The following METTL15 variants were observed in gnomAD, a reference collection of about 807,000 sequenced individuals.
METTL15 encodes methyltransferase 15, mitochondrial 12S rRNA N4-cytidine.
Under a neutral mutation model 38.3 loss-of-function variants are expected in METTL15, and 34 were observed. The ratio of observed to expected loss-of-function variants is 0.89; its 90% CI spans 0.68 to 1.18. The LOEUF (loss-of-function observed/expected upper bound fraction) is 1.18. Among genes scored for constraint, METTL15 ranks in the 50% most tolerant of loss-of-function variants. The pLI is 0.00. For synonymous variants in METTL15, 162 were observed against 170.9 expected (o/e 0.95, Z 0.41); for missense variants, 438 against 498.4 (o/e 0.88, Z 1.15).
At chr11:28,324,120 T>G (rs900597836) in intron 6 of METTL15, among the ~76,000 whole-genome samples, 1 of 152,210 alleles carries the variant, frequency 6.6e-6, no homozygotes, top group African/African-American at 2.4e-5. Context: ...TACTAACAAA[T>G]TTTTCTATTT....
intron 6 of METTL15, among the ~76,000 whole-genome samples, chr11:28,473,069 T>G (rs1851315841): frequency 6.6e-6 from 1 of 152,110 alleles, no homozygotes; most frequent in African/African-American, 2.4e-5. Flanking sequence ...TGAGACTAAA[T>G]TAGGAAAGAG....
At chr11:28,241,788 G>A (rs1014155304) in intron 4 of METTL15, among the ~76,000 whole-genome samples, 1 of 152,160 alleles carries the variant, frequency 6.6e-6, no homozygotes, top group Non-Finnish European at 1.5e-5. Flanking sequence ...TCAAGGAAAA[G>A]CAAAGATGCC....
chr11:28,430,026 A>G (rs1488682012), intron 6 of METTL15, among the ~76,000 whole-genome samples: 1 of 135,758 alleles, frequency 7.4e-6, no homozygotes, highest in Non-Finnish European at 1.6e-5. Flanking sequence ...CTGGGATGTG[A>G]GGAGCGCCTC....
intron 3 of METTL15, among the ~76,000 whole-genome samples, chr11:28,194,194 TC>T: frequency 8.4e-6 from 1 of 118,654 alleles, no homozygotes; most frequent in African/African-American, 3.2e-5. Context: ...CTCTCTCTCC[TC>T]TCTCTCTCTC....
At chr11:28,298,876 T>A (rs931320825) in intron 6 of METTL15, among the ~76,000 whole-genome samples, 2 of 152,060 alleles carry the variant, frequency 1.3e-5, no homozygotes, top group Admixed American at 6.6e-5. Context: ...TGTGCTCATT[T>A]ATTCAAAAAA....
rs569419912 is a variant in METTL15 at position 28,151,465 on chromosome 11, C to A, written c.270+37861C>A. ...TATACAAAGTTCCTTTACCACCAGG[C>A]CCATTTTACCTCTTCAACCTCCCCT... On this transcript the variant is annotated intron_variant, in intron 3 of 6. Coordinates refer to ENST00000407364, the MANE Select transcript of METTL15 (RefSeq NM_001113528.2). Among the ~76,000 whole-genome samples, 3 of 152,044 alleles carry A rather than the reference C, an allele frequency of 2.0e-5. No homozygotes were observed. The East Asian group carries it at 5.8e-4, about 29-fold the overall frequency.
At chr11:28,133,546 A>T (rs1451158783) in intron 3 of METTL15, among the ~76,000 whole-genome samples, 1 of 152,202 alleles carries the variant, frequency 6.6e-6, no homozygotes, top group African/African-American at 2.4e-5. Flanking sequence ...AATCCATAAG[A>T]TACTGCAAAA....
At chr11:28,350,404 T>G (rs1850030728) in intron 3 of METTL15, among the ~76,000 whole-genome samples, 1 of 152,200 alleles carries the variant, frequency 6.6e-6, no homozygotes, top group Non-Finnish European at 1.5e-5. Flanking sequence ...ATTAGTTTTA[T>G]TACAAAATTA....
At chr11:28,146,765 T>A (rs1168224642) in intron 3 of METTL15, among the ~76,000 whole-genome samples, 1 of 151,936 alleles carries the variant, frequency 6.6e-6, no homozygotes, top group East Asian at 1.9e-4. Context: ...CACTATCCAA[T>A]TAGATGTTAC....
chr11:28,278,607 T>A (rs992419226), intron 4 of METTL15, among the ~76,000 whole-genome samples: 1 of 152,160 alleles, frequency 6.6e-6, no homozygotes, highest in Non-Finnish European at 1.5e-5. Context: ...TTATTAAACC[T>A]TTACTAAGTC....
intron 3 of METTL15, among the ~76,000 whole-genome samples, chr11:28,181,134 A>C (rs980223294): frequency 6.6e-6 from 1 of 151,736 alleles, no homozygotes; most frequent in Non-Finnish European, 1.5e-5. Context: ...AGGAATGAGT[A>C]GTCGATTATA....
At chr11:28,360,643 T>C (rs1238810995) in intron 4 of METTL15, among the ~76,000 whole-genome samples, 5 of 152,126 alleles carry the variant, frequency 3.3e-5, no homozygotes, top group African/African-American at 1.2e-4. Context: ...TTTCACGATG[T>C]GTAAAGTGTC....
chr11:28,117,809 T>A (rs930657801), intron 3 of METTL15, among the ~76,000 whole-genome samples: 2 of 152,184 alleles, frequency 1.3e-5, no homozygotes, highest in African/African-American at 2.4e-5. Flanking sequence ...CTGGTGACAG[T>A]CCTTGGACAG....
intron 3 of METTL15, among the ~76,000 whole-genome samples, chr11:28,176,690 G>A (rs1851088429): frequency 6.6e-6 from 1 of 152,038 alleles, no homozygotes; most frequent in South Asian, 2.1e-4. Flanking sequence ...GGTCTTTGTG[G>A]CCAAGTGGAC....
intron 6 of METTL15, among the ~76,000 whole-genome samples, chr11:28,300,727 A>G (rs1014480812): frequency 6.6e-6 from 1 of 152,210 alleles, no homozygotes; most frequent in African/African-American, 2.4e-5. Flanking sequence ...GAATCTTAAT[A>G]TAAATATTTA....
chr11:28,215,059 A>C (rs890734973), intron 4 of METTL15, among the ~76,000 whole-genome samples: 5 of 152,204 alleles, frequency 3.3e-5, no homozygotes, highest in Admixed American at 2.6e-4. Flanking sequence ...TCCATTTTTT[A>C]TGCTTAAATT....
rs535695126 is a variant in METTL15 at position 28,172,677 on chromosome 11, A to T, written c.271-38385A>T. Among the ~76,000 whole-genome samples, 4 of 152,316 alleles carry T rather than the reference A, an allele frequency of 2.6e-5. No homozygotes were observed. In the East Asian group the frequency reaches 7.7e-4, roughly 29 times the overall value. ...AAGAGACTGATGCAAAGAAAGACTG[A>T]ATCAGTTTATTCATTGTCTCAGACA... On this transcript the variant is annotated intron_variant, in intron 3 of 6. Transcript: ENST00000407364.
At chr11:28,355,915 T>C (rs977923749) in intron 4 of METTL15, among the ~76,000 whole-genome samples, 3 of 152,188 alleles carry the variant, frequency 2.0e-5, no homozygotes, top group Non-Finnish European at 4.4e-5. Flanking sequence ...TCTTATACTA[T>C]CTTTTTCCTT....
intron 3 of METTL15, among the ~76,000 whole-genome samples, chr11:28,133,924 T>C (rs1414719636): frequency 6.6e-6 from 1 of 152,096 alleles, no homozygotes; most frequent in Non-Finnish European, 1.5e-5. Flanking sequence ...GATACAGAAG[T>C]AATATACACA....
Sources: allele counts gnomAD v4.1 joint callset (sites outside exome capture counted in the v4.1 genomes callset), GRCh38; gene constraint gnomAD v4.1.1; transcripts MANE v1.5; gene names NCBI Gene and HGNC (gene_info 2026-07-23, HGNC 2026-07-21).